PRICKLE1: variants seen among roughly 807,000 people sequenced by gnomAD.
The protein encoded by PRICKLE1 is prickle planar cell polarity protein 1.
In PRICKLE1, 14 loss-of-function variants were observed where a neutral mutation model predicts 70.2. The observed-to-expected ratio is 0.20, with a 90% CI of 0.13 to 0.31. The LOEUF (loss-of-function observed/expected upper bound fraction) is 0.31. Ranked by LOEUF, PRICKLE1 falls within the 10% of genes least tolerant of loss-of-function variation. The pLI, the probability that PRICKLE1 is intolerant of heterozygous loss-of-function variation, is 1.00. For missense variants in PRICKLE1, 821 were observed against 1,026.2 expected (o/e 0.80, Z 2.73); for synonymous variants, 357 against 379.9 (o/e 0.94, Z 0.70).
chr12:42,477,690 C>G (rs919012946), intron 1 of PRICKLE1, among the ~76,000 whole-genome samples: 30 of 151,472 alleles, frequency 2.0e-4, no homozygotes, highest in Non-Finnish European at 3.1e-4. Flanking sequence ...TGTGGTCTGC[C>G]AAAACATCAT....
chr12:42,470,405 A>G, intron 2 of PRICKLE1, 46 bp from the exon 3 acceptor site: 1 of 1,235,896 alleles, frequency 8.1e-7, no homozygotes, highest in Non-Finnish European at 1.2e-6. Flanking sequence ...AGAACTGAGC[A>G]TCTCAGCTCA....
At chr12:42,583,445 C>T (rs1940936917) in intron 1 of PRICKLE1, among the ~76,000 whole-genome samples, 1 of 152,180 alleles carries the variant, frequency 6.6e-6, no homozygotes, top group African/African-American at 2.4e-5. Context: ...TAAGGGAAAA[C>T]TCTAAGCATC....
At chr12:42,546,840 G>A (rs557591878) in intron 1 of PRICKLE1, among the ~76,000 whole-genome samples, 7 of 152,298 alleles carry the variant, frequency 4.6e-5, no homozygotes, top group Non-Finnish European at 7.3e-5. Flanking sequence ...TTTACTGGCT[G>A]AATTATGCAG....
chr12:42,581,301 T>C (rs1257405572), intron 1 of PRICKLE1, among the ~76,000 whole-genome samples: 1 of 152,112 alleles, frequency 6.6e-6, no homozygotes, highest in African/African-American at 2.4e-5. Flanking sequence ...GTTATTGTAC[T>C]AGTCTGAGTT....
intron 1 of PRICKLE1, among the ~76,000 whole-genome samples, chr12:42,502,511 G>A (rs1383960640): frequency 1.3e-5 from 2 of 151,744 alleles, no homozygotes; most frequent in East Asian, 3.9e-4. Context: ...GTGTCTCACT[G>A]TCTTGCCCAG....
intron 1 of PRICKLE1, among the ~76,000 whole-genome samples, chr12:42,551,131 T>A (rs979161845): frequency 6.6e-6 from 1 of 152,230 alleles, no homozygotes; most frequent in African/African-American, 2.4e-5. Context: ...GCCATTGTGA[T>A]CAGCTAACTC....
intron 1 of PRICKLE1, among the ~76,000 whole-genome samples, chr12:42,574,627 C>A (rs541076648): frequency 2.6e-4 from 39 of 152,274 alleles, no homozygotes; most frequent in Admixed American, 1.2e-3. Flanking sequence ...TTTAATATCA[C>A]CATATTGAAA....
intron 1 of PRICKLE1, among the ~76,000 whole-genome samples, chr12:42,587,581 CCTT>C (rs1174110613): frequency 6.6e-6 from 1 of 152,226 alleles, no homozygotes; most frequent in Non-Finnish European, 1.5e-5. Context: ...TAAAATATCT[CCTT>C]CTGTGTTTCC....
At chr12:42,530,410 C>T (rs532104797) in intron 1 of PRICKLE1, among the ~76,000 whole-genome samples, 10 of 152,222 alleles carry the variant, frequency 6.6e-5, no homozygotes, top group Non-Finnish European at 1.0e-4. Flanking sequence ...AAATTATATT[C>T]AAGTCACTGT....
intron 1 of PRICKLE1, among the ~76,000 whole-genome samples, chr12:42,573,131 T>C (rs182862106): frequency 3.9e-5 from 6 of 152,318 alleles, no homozygotes; most frequent in Admixed American, 3.3e-4. Flanking sequence ...TCACTTACAC[T>C]AAAACATTTA....
rs918244436 is a variant in PRICKLE1, at chr12:42,589,472, G to C, written c.-56C>G. On this transcript the variant is annotated 5_prime_UTR_variant, in exon 1 of 8. Transcript: ENST00000345127. The surrounding 1 kb of genome is among the most constrained non-coding windows in gnomAD (Gnocchi z 5.0). Reference sequence around the variant, plus strand: ...ATCCAGGCTGCCACTCACCTCGCGCGAGGGAGACGCAACTCGGCTGCACTG... The same window carrying C: ...ATCCAGGCTGCCACTCACCTCGCGCCAGGGAGACGCAACTCGGCTGCACTG... 6.6e-6 allele frequency: 1 copy of C among 152,582 alleles called. No homozygotes were observed. The highest frequency in any genetic ancestry group is 1.5e-5 in the Non-Finnish European group (1 of 68,240). The allele number at this position is 152,582 out of a possible 1,614,324, so 9.5% of individuals were successfully genotyped here.
intron 2 of PRICKLE1, among the ~76,000 whole-genome samples, chr12:42,471,150 T>G (rs943088289): frequency 1.3e-5 from 2 of 152,200 alleles, no homozygotes. Context: ...AACATCAGCT[T>G]TCTTTGCTTC....
intron 1 of PRICKLE1, among the ~76,000 whole-genome samples, chr12:42,540,437 C>A (rs971166726): frequency 1.3e-5 from 2 of 152,166 alleles, no homozygotes; most frequent in Non-Finnish European, 2.9e-5. Flanking sequence ...GCATTAAATG[C>A]AATACTGACC....
intron 1 of PRICKLE1, among the ~76,000 whole-genome samples, chr12:42,493,011 A>C (rs1939131766): frequency 6.6e-6 from 1 of 152,168 alleles, no homozygotes; most frequent in African/African-American, 2.4e-5. Context: ...GCGCATACTA[A>C]GTCTTAATTA....
At position 42,464,869 on chromosome 12, in the gene PRICKLE1, T is replaced by C. The variant is rs1466958238; in HGVS notation, c.1165A>G (p.Ser389Gly). The C allele has an allele frequency of 1.9e-6, 3 of 1,614,058 alleles. No individual in the cohort carries two copies. Among genetic ancestry groups the C allele is most frequent in the Non-Finnish European group, 2.5e-6 (3 of 1,180,030 alleles). ...ACTCTGCCTTTCCAAAATTCTTCAC[T>C]GGCAAAACTTGTTCCTTGTCTGGAG... ...SLSRQGTSFASEEFWKGRVEQ... is the reference protein window; with the variant it reads ...SLSRQGTSFAGEEFWKGRVEQ... The change falls in exon 7 of 8, where the codon AGT becomes GGT. Residue 389 changes from serine to glycine, a missense_variant. Coordinates refer to ENST00000345127, the MANE Select transcript of PRICKLE1 (RefSeq NM_153026.3). The surrounding 1 kb of genome is among the most constrained non-coding windows in gnomAD (Gnocchi z 4.2).
Position 42,506,261 on chromosome 12 carries a change from T to TTC in PRICKLE1, c.-48-33698_-48-33697insGA, listed in dbSNP as rs1027420931. On this transcript the variant is annotated intron_variant, in intron 1 of 7. Coordinates refer to ENST00000345127, the MANE Select transcript of PRICKLE1 (RefSeq NM_153026.3). ...AAAATGTTCTTTTTTCTTTCTTTCT[T>TTC]TTTTTTTTTTTTTGAGATGGAGTCT... Among the ~76,000 whole-genome samples the TTC allele has an allele frequency of 2.3e-4, 33 of 145,108 alleles. No homozygotes were observed. The East Asian group carries it at 6.3e-3, about 28-fold the overall frequency.
Position 42,460,379 on chromosome 12 carries a change from G to A in PRICKLE1, c.1926C>T (p.Asn642=). 6.2e-7 allele frequency: 1 copy of A among 1,614,074 alleles called. No individual in the cohort carries two copies. The highest frequency in any genetic ancestry group is 8.5e-7 in the Non-Finnish European group (1 of 1,179,986). ...GAGGCTGCCGGATTTCAATGTCATA[G>A]TTCCCATTGTCAATGACATCATCAG... The part of the protein sequence containing the change: ...KFSDDVIDNG[N]YDIEIRQPPM... The change falls in exon 8 of 8, where the codon AAC becomes AAT. Residue 642 remains asparagine, a synonymous_variant. Transcript: ENST00000345127.
chr12:42,515,886 AG>A (rs1311652100), intron 1 of PRICKLE1, among the ~76,000 whole-genome samples: 1 of 152,236 alleles, frequency 6.6e-6, no homozygotes, highest in African/African-American at 2.4e-5. Flanking sequence ...CACTGTACAC[AG>A]TACTTGGTAA....
chr12:42,571,462 T>A (rs1940711589), intron 1 of PRICKLE1, among the ~76,000 whole-genome samples: 1 of 152,110 alleles, frequency 6.6e-6, no homozygotes, highest in African/African-American at 2.4e-5. Flanking sequence ...CCAGGCTGTG[T>A]TTAAAGCTGG....
Sources: allele counts gnomAD v4.1 joint callset (sites outside exome capture counted in the v4.1 genomes callset), GRCh38; gene constraint gnomAD v4.1.1; non-coding constraint Gnocchi (gnomAD v3.1); transcripts MANE v1.5; gene names NCBI Gene and HGNC (gene_info 2026-07-23, HGNC 2026-07-21).